The following EPHA4 variants were observed in gnomAD, a reference collection of about 807,000 sequenced individuals.
EPHA4 encodes ephrin type-A receptor 4.
In EPHA4, 19 loss-of-function variants were observed where a neutral mutation model predicts 108.3. The observed-to-expected ratio is 0.18, with a 90% confidence interval of 0.12 to 0.26. The LOEUF is 0.26. Ranked by LOEUF, EPHA4 falls within the 10% of genes least tolerant of loss-of-function variation. The probability of loss-of-function intolerance (pLI) is 1.00; values close to 1 mark genes in which losing one functional copy is unlikely to be tolerated. For synonymous variants in EPHA4, 449 were observed against 455.5 expected (o/e 0.99, Z 0.18); for missense variants, 917 against 1,254.0 (o/e 0.73, Z 4.06).
intron 5 of EPHA4, among the ~76,000 whole-genome samples, chr2:221,466,208 T>C (rs927890505): frequency 1.3e-5 from 2 of 152,224 alleles, no homozygotes; most frequent in African/African-American, 2.4e-5. Context: ...CAGCTGATCT[T>C]ATGCTAATGC....
At chr2:221,444,744 CTTTTTTTTT>C (rs71266317) in intron 9 of EPHA4, among the ~76,000 whole-genome samples, 950 of 74,998 alleles carry the variant, frequency 0.013, 9 homozygotes, top group Non-Finnish European at 0.019. Flanking sequence ...TTTTTTCTAT[CTTTTTTTTT>C]TTTTTTTTTT....
intron 5 of EPHA4, among the ~76,000 whole-genome samples, chr2:221,467,604 G>A (rs1691350970): frequency 6.6e-6 from 1 of 152,152 alleles, no homozygotes; most frequent in Admixed American, 6.5e-5. Context: ...CTAGTATCTT[G>A]AATTAGCATT....
intron 5 of EPHA4, among the ~76,000 whole-genome samples, chr2:221,464,667 C>G (rs974146920): frequency 6.6e-6 from 1 of 152,104 alleles, no homozygotes; most frequent in Admixed American, 6.6e-5. Context: ...GCGGTACATT[C>G]GACCAGCCAG....
intron 3 of EPHA4, among the ~76,000 whole-genome samples, chr2:221,550,156 T>C (rs1415276481): frequency 6.6e-6 from 1 of 152,172 alleles, no homozygotes; most frequent in Non-Finnish European, 1.5e-5. Flanking sequence ...ACATATGTGA[T>C]TTGAAAAGCA....
intron 3 of EPHA4, among the ~76,000 whole-genome samples, chr2:221,561,541 G>C (rs1694465099): frequency 6.6e-6 from 1 of 152,110 alleles, no homozygotes; most frequent in Non-Finnish European, 1.5e-5. Context: ...GAAATATCTG[G>C]CCTCATGTTA....
chr2:221,536,010 A>G (rs1480409752), intron 3 of EPHA4, among the ~76,000 whole-genome samples: 1 of 152,176 alleles, frequency 6.6e-6, no homozygotes, highest in Non-Finnish European at 1.5e-5. Flanking sequence ...TTCTTGGCTC[A>G]AGGGATATTC....
intron 5 of EPHA4, among the ~76,000 whole-genome samples, chr2:221,465,885 A>G (rs1167571398): frequency 1.3e-5 from 2 of 152,212 alleles, no homozygotes; most frequent in East Asian, 3.9e-4. Context: ...TTCTGGCAAA[A>G]AAGAGGTATT....
rs1690248162 is a variant in EPHA4 at position 221,436,626 on chromosome 2, G to A, written c.2137-18C>T. The A allele has an allele frequency of 6.2e-7, 1 of 1,611,582 alleles. No homozygotes were observed. Among genetic ancestry groups the A allele is most frequent in the South Asian group, 1.1e-5 (1 of 91,046 alleles). Reference sequence around the variant, plus strand: ...TCATTTTTCTGCATAGAAAAGGAGTGAGGAACAATCTCATTAGCATTAGGC... The same window carrying A: ...TCATTTTTCTGCATAGAAAAGGAGTAAGGAACAATCTCATTAGCATTAGGC... On this transcript the variant is annotated intron_variant, in intron 12 of 17. Coordinates refer to ENST00000281821, the MANE Select transcript of EPHA4 (RefSeq NM_004438.5).
chr2:221,540,869 G>A (rs909116215), intron 3 of EPHA4, among the ~76,000 whole-genome samples: 16 of 151,974 alleles, frequency 1.1e-4, no homozygotes, highest in African/African-American at 3.9e-4. Flanking sequence ...GGAATTCGGG[G>A]GATTACATTA....
At chr2:221,516,238 G>A (rs1023879706) in intron 3 of EPHA4, among the ~76,000 whole-genome samples, 3 of 151,964 alleles carry the variant, frequency 2.0e-5, no homozygotes, top group African/African-American at 7.3e-5. Context: ...ACAATTTAAG[G>A]TTTCTAGGGG....
At chr2:221,508,912 A>G (rs974731312) in intron 3 of EPHA4, among the ~76,000 whole-genome samples, 1 of 150,018 alleles carries the variant, frequency 6.7e-6, no homozygotes. Context: ...ATACTGTTTC[A>G]CAAGTATTAA....
chr2:221,559,154 T>C (rs990175522), intron 3 of EPHA4, among the ~76,000 whole-genome samples: 25 of 152,232 alleles, frequency 1.6e-4, no homozygotes, highest in African/African-American at 5.8e-4. Context: ...ACGATACCTT[T>C]TGTTGATATG....
chr2:221,443,394 CATATA>C, intron 10 of EPHA4, 94 bp downstream of exon 10: 1 of 844,880 alleles, frequency 1.2e-6, no homozygotes, highest in Non-Finnish European at 1.9e-6. Flanking sequence ...TATATACACA[CATATA>C]ATATACTCAC....
chr2:221,455,797 T>C, intron 7 of EPHA4, 139 bp from the exon 8 acceptor site: 2 of 652,160 alleles, frequency 3.1e-6, no homozygotes, highest in East Asian at 5.5e-5. Flanking sequence ...GGCAGCAGTT[T>C]TGAATGTACC....
chr2:221,569,116 G>A (rs1460242417), intron 1 of EPHA4, among the ~76,000 whole-genome samples: 1 of 152,168 alleles, frequency 6.6e-6, no homozygotes, highest in Admixed American at 6.5e-5. Flanking sequence ...TTACACTCCA[G>A]AGCAAAATCT....
intron 11 of EPHA4, among the ~76,000 whole-genome samples, chr2:221,441,519 G>C (rs1690428313): frequency 6.6e-6 from 1 of 151,922 alleles, no homozygotes; most frequent in African/African-American, 2.4e-5. Context: ...CATCCTTCAA[G>C]TCCATGTGAC....
At chr2:221,437,612 C>T (rs56059729) in intron 11 of EPHA4, 35,928 of 152,598 alleles carry the variant, frequency 0.24, 4,309 homozygotes, top group African/African-American at 0.26. Context: ...CCCAGACAAG[C>T]CTTAAAACCA....
intron 3 of EPHA4, among the ~76,000 whole-genome samples, chr2:221,529,042 TAAAAACCAC>T (rs1693422180): frequency 6.6e-6 from 1 of 152,186 alleles, no homozygotes; most frequent in South Asian, 2.1e-4. Flanking sequence ...AGAAAAATTT[TAAAAACCAC>T]TCCAAGAGTA....
intron 4 of EPHA4, among the ~76,000 whole-genome samples, chr2:221,492,243 T>C (rs1692166692): frequency 6.6e-6 from 1 of 152,172 alleles, no homozygotes; most frequent in Non-Finnish European, 1.5e-5. Flanking sequence ...ATTCAAGCCT[T>C]CCACTTGGGC....
Sources: gnomAD v4.1 joint callset for allele counts (sites outside exome capture counted in the v4.1 genomes callset) on GRCh38, gnomAD v4.1.1 for gene constraint, MANE v1.5 for transcripts, NCBI Gene and HGNC (gene_info 2026-07-23, HGNC 2026-07-21) for gene names.